ELOVL2: variants seen among roughly 807,000 people sequenced by gnomAD.
ELOVL2 encodes the protein ELOVL fatty acid elongase 2.
Under a neutral mutation model 37.7 loss-of-function variants are expected in ELOVL2, and 38 were observed. That is an observed-to-expected ratio of 1.01 (90% CI 0.78 to 1.32). The LOEUF (loss-of-function observed/expected upper bound fraction) is 1.32. Ranked by LOEUF, ELOVL2 falls within the 40% of genes most tolerant of loss-of-function variation. The pLI, the probability that ELOVL2 is intolerant of heterozygous loss-of-function variation, is 0.00. For synonymous variants in ELOVL2, 115 were observed against 122.3 expected (o/e 0.94, Z 0.40); for missense variants, 352 against 363.6 (o/e 0.97, Z 0.26).
At chr6:11,034,755 C>T (rs1377737122) in intron 1 of ELOVL2, among the ~76,000 whole-genome samples, 2 of 151,958 alleles carry the variant, frequency 1.3e-5, no homozygotes, top group Admixed American at 1.3e-4. Context: ...GTAATCCCAG[C>T]ACTTTGGGAG....
At chr6:11,028,820 T>A (rs750519970) in intron 1 of ELOVL2, among the ~76,000 whole-genome samples, 7 of 152,054 alleles carry the variant, frequency 4.6e-5, no homozygotes, top group African/African-American at 1.4e-4. Flanking sequence ...AACTACTCTA[T>A]AAGGCAGGTA....
intron 1 of ELOVL2, among the ~76,000 whole-genome samples, chr6:11,035,634 T>G (rs890200932): frequency 1.4e-4 from 22 of 152,238 alleles, no homozygotes; most frequent in Non-Finnish European, 2.5e-4. Flanking sequence ...AAAAGTTACC[T>G]ATGCTGTAGG....
intron 2 of ELOVL2, among the ~76,000 whole-genome samples, chr6:11,009,991 C>G (rs1782544790): frequency 6.6e-6 from 1 of 150,796 alleles, no homozygotes; most frequent in African/African-American, 2.4e-5. Flanking sequence ...CTCATCCTAC[C>G]TACGGGCCCC....
intron 1 of ELOVL2, among the ~76,000 whole-genome samples, chr6:11,032,890 C>T (rs145547168): frequency 6.6e-6 from 1 of 152,304 alleles, no homozygotes; most frequent in African/African-American, 2.4e-5. Context: ...ATATGGTATT[C>T]TAACTTACTA....
chr6:11,033,389 A>G (rs1782961552), intron 1 of ELOVL2, among the ~76,000 whole-genome samples: 2 of 152,258 alleles, frequency 1.3e-5, no homozygotes, highest in Admixed American at 1.3e-4. Context: ...ATGAGAATGC[A>G]GTGTGTACAA....
intron 5 of ELOVL2, 77 bp from the exon 6 acceptor site, chr6:10,990,519 C>A (rs1782136915): frequency 7.3e-7 from 1 of 1,377,958 alleles, no homozygotes. Flanking sequence ...GAGATTCTCT[C>A]TCTGCATGGT....
intron 1 of ELOVL2, among the ~76,000 whole-genome samples, chr6:11,039,448 T>A (rs1361286768): frequency 6.6e-6 from 1 of 152,198 alleles, no homozygotes; most frequent in Non-Finnish European, 1.5e-5. Flanking sequence ...TACTATTTTT[T>A]AATTTATGCA....
intron 5 of ELOVL2, among the ~76,000 whole-genome samples, chr6:10,994,650 G>A (rs1250428644): frequency 1.3e-5 from 2 of 152,316 alleles, no homozygotes; most frequent in Admixed American, 1.3e-4. Flanking sequence ...GCCTCGATCT[G>A]TTTCACGGGG....
chr6:11,036,593 G>C (rs73723634), intron 1 of ELOVL2, among the ~76,000 whole-genome samples: 14,209 of 152,184 alleles, frequency 0.093, 2,013 homozygotes, highest in African/African-American at 0.3. Context: ...CCCAAAGCAC[G>C]CTCTTCAGCA....
Position 10,990,191 on chromosome 6 carries a change from A to G in ELOVL2, c.630+127T>C, listed in dbSNP as rs1782127411. 2.5e-6 allele frequency: 3 copies of G among 1,193,048 alleles called. No homozygotes were observed. The African/African-American group carries it at 4.7e-5, about 19-fold the overall frequency. 73.9% of individuals were successfully genotyped at this position (1,193,048 alleles called of 1,614,324 possible). A position where few individuals can be genotyped will look rare whatever the true frequency, so the allele number is the denominator to read the frequency against. On this transcript the variant is annotated intron_variant, in intron 6 of 7. Coordinates refer to ENST00000354666, the MANE Select transcript of ELOVL2 (RefSeq NM_017770.4). The stretch of plus-strand genomic sequence containing the variant: ...CAACACAAAAAGTTTAATTCTTAAA[A>G]GGCCAATTTTGGAAAAAAAATGGGC...
chr6:11,002,097 A>G (rs560090767), intron 3 of ELOVL2, among the ~76,000 whole-genome samples: 2 of 152,260 alleles, frequency 1.3e-5, no homozygotes, highest in South Asian at 2.1e-4. Flanking sequence ...AAATCCTCCA[A>G]TAGCTTTCCA....
chr6:11,012,626 G>A (rs953413), intron 1 of ELOVL2, among the ~76,000 whole-genome samples: 83,376 of 152,084 alleles, frequency 0.55, 24,091 homozygotes, highest in East Asian at 0.91. Flanking sequence ...CACAAAGCCC[G>A]TATTATTTCT....
chr6:10,997,889 G>T (rs1782300439), intron 4 of ELOVL2, among the ~76,000 whole-genome samples: 1 of 152,094 alleles, frequency 6.6e-6, no homozygotes, highest in Admixed American at 6.5e-5. Context: ...GGTGATTGCT[G>T]TCAGATCCAT....
chr6:10,991,020 C>T (rs1782149915), intron 5 of ELOVL2, among the ~76,000 whole-genome samples: 1 of 152,148 alleles, frequency 6.6e-6, no homozygotes, highest in Non-Finnish European at 1.5e-5. Flanking sequence ...CGAGACCTTC[C>T]CAGTGATTGG....
At chr6:11,036,984 AGAGACAGAG>A (rs1280836108) in intron 1 of ELOVL2, among the ~76,000 whole-genome samples, 3 of 151,272 alleles carry the variant, frequency 2.0e-5, no homozygotes, top group Non-Finnish European at 3.0e-5. Context: ...ATGGGGAGAG[AGAGACAGAG>A]GAGGCAGAGA....
intron 2 of ELOVL2, 50 bp from the exon 3 acceptor site, chr6:11,005,609 T>C (rs2295602): frequency 0.49 from 723,927 of 1,486,712 alleles, 185,536 homozygotes; most frequent in East Asian, 0.91. Context: ...TGCTCCTGTT[T>C]AGTCATCAGT....
chr6:11,022,344 C>T (rs1348187722), intron 1 of ELOVL2, among the ~76,000 whole-genome samples: 1 of 152,192 alleles, frequency 6.6e-6, no homozygotes, highest in Admixed American at 6.5e-5. Flanking sequence ...AGCCGGCACT[C>T]CACACATGCA....
intron 1 of ELOVL2, among the ~76,000 whole-genome samples, chr6:11,026,487 A>AGCAGAGATCCTTCTGGG (rs1189937058): frequency 6.6e-6 from 1 of 152,124 alleles, no homozygotes; most frequent in Non-Finnish European, 1.5e-5. Context: ...CTGGGCTATA[A>AGCAGAGATCCTTCTGGG]CAGGAGAGGC....
At chr6:11,042,190 G>A (rs1340854946) in intron 1 of ELOVL2, among the ~76,000 whole-genome samples, 1 of 152,058 alleles carries the variant, frequency 6.6e-6, no homozygotes, top group East Asian at 1.9e-4. Flanking sequence ...ACGTGCGCCT[G>A]TAATCCCAGC....
Sources: allele counts gnomAD v4.1 joint callset (sites outside exome capture counted in the v4.1 genomes callset), GRCh38; gene constraint gnomAD v4.1.1; transcripts MANE v1.5; gene names NCBI Gene and HGNC (gene_info 2026-07-23, HGNC 2026-07-21).